PAGE2B: variants seen among roughly 807,000 people sequenced by gnomAD.
The protein encoded by PAGE2B is putative G antigen family E member 3.
Under a neutral mutation model 7.6 loss-of-function variants are expected in PAGE2B, and 5 were observed. The observed-to-expected ratio is 0.66, with a 90% CI of 0.34 to 1.38. PAGE2B has a LOEUF of 1.38. Among genes scored for constraint, PAGE2B ranks in the 40% most tolerant of loss-of-function variants. The pLI, the probability that PAGE2B is intolerant of heterozygous loss-of-function variation, is 0.04. For missense variants in PAGE2B, 70 were observed against 78.4 expected, an observed-to-expected ratio of 0.89 and a Z score of 0.41; for synonymous variants, 29 against 26.7, an observed-to-expected ratio of 1.09 and a Z score of -0.27.
At chrX:55,072,129 G>T (rs1179163935), upstream of PAGE2B, among the ~76,000 whole-genome samples, 1 of 111,936 alleles carries the variant, frequency 8.9e-6, no homozygotes, top group Non-Finnish European at 1.9e-5. Flanking sequence ...TGGAGGAGAA[G>T]AGGCATCATT....
the PAGE2B span, among the ~76,000 whole-genome samples, chrX:55,067,357 T>C: frequency 1.8e-5 from 2 of 111,306 alleles, no homozygotes; most frequent in African/African-American, 6.5e-5. Flanking sequence ...TTCAGCATCA[T>C]CAATGTCCCT....
chrX:55,069,703 G>A, the PAGE2B span, among the ~76,000 whole-genome samples: 5 of 111,299 alleles, frequency 4.5e-5, no homozygotes, highest in East Asian at 1.1e-3. Flanking sequence ...GCTATTAATT[G>A]CTGCCTCAAT....
At chrX:55,052,520 C>T in the PAGE2B span, among the ~76,000 whole-genome samples, 3 of 112,453 alleles carry the variant, frequency 2.7e-5, no homozygotes, top group East Asian at 8.4e-4. Context: ...AGGCACCCCT[C>T]CCCCAGCCTG....
the PAGE2B span, among the ~76,000 whole-genome samples, chrX:55,061,585 G>A: frequency 9.0e-6 from 1 of 111,406 alleles, no homozygotes; most frequent in African/African-American, 3.3e-5. Flanking sequence ...TATCCTTTGT[G>A]TTACAAACAA....
the PAGE2B span, among the ~76,000 whole-genome samples, chrX:55,034,814 G>GTA: frequency 7.0e-3 from 749 of 107,194 alleles, 4 homozygotes; most frequent in African/African-American, 0.024. Flanking sequence ...ATATATACAT[G>GTA]TATATATATA....
the PAGE2B span, among the ~76,000 whole-genome samples, chrX:55,037,763 A>C: frequency 9.1e-6 from 1 of 109,540 alleles, no homozygotes; most frequent in Non-Finnish European, 1.9e-5. Flanking sequence ...GACATGGATG[A>C]AGCTGGAAAC....
chrX:55,072,772 AG>A (rs761601956), upstream of PAGE2B, among the ~76,000 whole-genome samples: 7 of 112,277 alleles, frequency 6.2e-5, no homozygotes, highest in East Asian at 2.0e-3. Context: ...CTGCCCAGTG[AG>A]GAGGAATCTA....
chrX:55,064,892 TC>T, the PAGE2B span, among the ~76,000 whole-genome samples: 1 of 112,091 alleles, frequency 8.9e-6, no homozygotes, highest in South Asian at 3.6e-4. Context: ...CTAGTTTTAT[TC>T]CATTTTGGTC....
chrX:55,048,980 A>G, the PAGE2B span, among the ~76,000 whole-genome samples: 2 of 111,983 alleles, frequency 1.8e-5, no homozygotes, highest in African/African-American at 6.5e-5. Context: ...GATAAGTCCC[A>G]TCAATACCTA....
the PAGE2B span, among the ~76,000 whole-genome samples, chrX:55,057,463 G>A: frequency 2.7e-4 from 30 of 111,619 alleles, no homozygotes; most frequent in Non-Finnish European, 2.1e-4. Context: ...TTGAGAATCA[G>A]TCTATGGAAT....
chrX:55,038,472 A>G, the PAGE2B span, among the ~76,000 whole-genome samples: 6 of 112,198 alleles, frequency 5.3e-5, no homozygotes, highest in Admixed American at 4.8e-4. Context: ...TAGACCTAGC[A>G]TATATTTACT....
the PAGE2B span, chrX:55,030,990 T>G: frequency 2.9e-6 from 1 of 341,538 alleles, no homozygotes; most frequent in Non-Finnish European, 5.9e-6. Context: ...GTACTTGGGT[T>G]AGGACCTGGC....
At chrX:55,074,086 A>G (rs1936477013), upstream of PAGE2B, among the ~76,000 whole-genome samples, 1 of 112,174 alleles carries the variant, frequency 8.9e-6, no homozygotes. Context: ...GAATGTGAAG[A>G]ACTAATATGA....
chrX:55,073,823 T>TCTGTG (rs1323609497), upstream of PAGE2B, among the ~76,000 whole-genome samples: 1 of 111,892 alleles, frequency 8.9e-6, no homozygotes, highest in Non-Finnish European at 1.9e-5. Flanking sequence ...CTGATTTGGC[T>TCTGTG]CTGTGCTTGA....
chrX:55,066,036 C>T, the PAGE2B span, among the ~76,000 whole-genome samples: 4 of 112,089 alleles, frequency 3.6e-5, no homozygotes, highest in African/African-American at 1.3e-4. Flanking sequence ...ATGCTTATTA[C>T]CAGTGAGTTT....
chrX:55,034,854 T>C, the PAGE2B span, among the ~76,000 whole-genome samples: 1 of 109,091 alleles, frequency 9.2e-6, no homozygotes, highest in Non-Finnish European at 1.9e-5. Context: ...TTAATTCACA[T>C]GATCACAAGG....
At chrX:55,033,900 A>G in the PAGE2B span, among the ~76,000 whole-genome samples, 1 of 112,542 alleles carries the variant, frequency 8.9e-6, no homozygotes, top group Non-Finnish European at 1.9e-5. Context: ...TAATTCAATG[A>G]TTATTAGTAT....
chrX:55,076,139 C>T lies in PAGE2B; in HGVS notation c.84+14C>T. On this transcript the variant is annotated intron_variant, in intron 2 of 4. Transcript: ENST00000374971. The stretch of plus-strand genomic sequence containing the variant: ...GGATCTGTGATTGTGAGTCCTTTAA[C>T]ATTTGATGTTTCCTATTAACACAAT... 8.4e-7 allele frequency: 1 copy of T among 1,193,759 alleles called. No individual in the cohort carries two copies. The highest frequency in any genetic ancestry group is 1.1e-6 in the Non-Finnish European group (1 of 881,201).
the PAGE2B span, among the ~76,000 whole-genome samples, chrX:55,047,410 T>G: frequency 1.8e-5 from 2 of 111,932 alleles, no homozygotes; most frequent in Non-Finnish European, 3.8e-5. Context: ...CAGCATGATT[T>G]ATAATCCTTT....
Sources: allele counts gnomAD v4.1 joint callset (sites outside exome capture counted in the v4.1 genomes callset), GRCh38; gene constraint gnomAD v4.1.1; transcripts MANE v1.5; gene names NCBI Gene and HGNC (gene_info 2026-07-23, HGNC 2026-07-21).